PLXNA2: variants seen among roughly 807,000 people sequenced by gnomAD.
PLXNA2 encodes the protein plexin A2, also known as plexin-A2.
A neutral mutation model predicts 193.5 loss-of-function variants in PLXNA2; 91 were observed. The observed-to-expected ratio is 0.47, with a 90% CI of 0.40 to 0.56. PLXNA2 has a LOEUF of 0.56. Ranked by LOEUF, PLXNA2 falls within the 20% of genes least tolerant of loss-of-function variation. The probability of loss-of-function intolerance (pLI) is 0.00; values close to 1 mark genes in which losing one functional copy is unlikely to be tolerated. For missense variants in PLXNA2, 1,995 were observed against 2,503.2 expected (o/e 0.80, Z 4.33); for synonymous variants, 997 against 1,027.3 (o/e 0.97, Z 0.56).
At chr1:208,090,631 G>C (rs56160741) in intron 9 of PLXNA2, among the ~76,000 whole-genome samples, 2,366 of 152,268 alleles carry the variant, frequency 0.016, 23 homozygotes, top group Middle Eastern at 0.037. Context: ...TTCAGCTGCA[G>C]GTCGCTTTCA....
At chr1:208,160,371 A>G (rs1249877) in intron 3 of PLXNA2, among the ~76,000 whole-genome samples, 146,860 of 152,116 alleles carry the variant, frequency 0.97, 71,117 homozygotes, top group East Asian at 1. Flanking sequence ...GCTTGTAAGG[A>G]GAGCCACGGG....
At position 208,082,418 on chromosome 1, in the gene PLXNA2, G is replaced by T; in HGVS notation, c.2389C>A (p.Leu797Met). Residue 797 changes from leucine to methionine, a missense_variant, in exon 11 of 32, where the codon CTG becomes ATG. By Grantham distance (15) the Leu-to-Met change is conservative. Transcript: ENST00000367033. The surrounding 1 kb of genome is among the most constrained non-coding windows in gnomAD (Gnocchi z 4.2). ...GNFIIDNPQD[L>M]KVHLYKCAAQ... ...CCCGGAAGTAGCCGCTTACCTTTCA[G>T]GTCCTGAGGGTTGTCAATGATGAAA... The T allele has an allele frequency of 1.2e-6, 2 of 1,613,682 alleles. No homozygotes were observed. Among genetic ancestry groups the T allele is most frequent in the South Asian group, 1.1e-5 (1 of 91,066 alleles).
chr1:208,155,931 A>G lies in PLXNA2; in HGVS notation c.1372-13468T>C, dbSNP rs536772904. On this transcript the variant is annotated intron_variant, in intron 3 of 31. Coordinates refer to ENST00000367033, the MANE Select transcript of PLXNA2 (RefSeq NM_025179.4). ...GATCCCTCCAGGAAATGTGGGAGTT[A>G]ATGCCCTTCATTCTGCCTGACACCA... 7.2e-5 allele frequency among the ~76,000 whole-genome samples: 11 copies of G among 152,304 alleles called. No homozygotes were observed. In the South Asian group the frequency reaches 2.3e-3, roughly 32 times the overall value.
Position 208,142,401 on chromosome 1 carries a change from G to A in PLXNA2, c.1434C>T (p.Asp478=), listed in dbSNP as rs151039993. The part of the protein sequence containing the change: ...VQYEMVSVLK[D]GSPILRDMAF... Reference sequence around the variant, plus strand: ...CCATGTCCCGGAGGATGGGGCTTCCGTCCTTGAGCACAGAGACCATCTCGT... The same window carrying A: ...CCATGTCCCGGAGGATGGGGCTTCCATCCTTGAGCACAGAGACCATCTCGT... Residue 478 remains aspartate (D), a synonymous_variant, in exon 4 of 32, where the codon GAC becomes GAT. Coordinates refer to ENST00000367033, the MANE Select transcript of PLXNA2 (RefSeq NM_025179.4). 42 of 1,613,808 alleles carry A rather than the reference G, an allele frequency of 2.6e-5. No homozygotes were observed. In the African/African-American group the frequency reaches 3.3e-4, roughly 13 times the overall value.
At chr1:208,094,132 C>G (rs1666799995) in intron 8 of PLXNA2, among the ~76,000 whole-genome samples, 1 of 152,224 alleles carries the variant, frequency 6.6e-6, no homozygotes, top group East Asian at 1.9e-4. Context: ...CTCATGTACT[C>G]TCAGATAGAC....
At chr1:208,137,493 G>A (rs528066443) in intron 4 of PLXNA2, among the ~76,000 whole-genome samples, 10 of 152,124 alleles carry the variant, frequency 6.6e-5, no homozygotes, top group East Asian at 1.9e-4. Flanking sequence ...CCCTTGACTC[G>A]CTGTCTGACT....
At chr1:208,155,404 T>A (rs486753) in intron 3 of PLXNA2, among the ~76,000 whole-genome samples, 1 of 151,952 alleles carries the variant, frequency 6.6e-6, no homozygotes, top group Non-Finnish European at 1.5e-5. Context: ...CCTTAAAAAG[T>A]GCTGAAAGGA....
intron 12 of PLXNA2, among the ~76,000 whole-genome samples, chr1:208,063,340 T>C (rs1342257468): frequency 3.3e-5 from 5 of 152,182 alleles, no homozygotes; most frequent in African/African-American, 1.2e-4. Context: ...CCTTCCAACA[T>C]TCAAGGATCA....
At position 208,056,621 on chromosome 1, in the gene PLXNA2, G is replaced by A. The variant is rs1558168659; in HGVS notation, c.2739-2083C>T. ...TTGGGGCTCATGTTTCAAAAGAAAA[G>A]CAGTATATTCAAGCACCTAGGAGAA... On this transcript the variant is annotated intron_variant, in intron 13 of 31. Coordinates refer to ENST00000367033, the MANE Select transcript of PLXNA2 (RefSeq NM_025179.4). Among the ~76,000 whole-genome samples the A allele has an allele frequency of 3.3e-5, 5 of 152,236 alleles. No homozygotes were observed. The South Asian group carries it at 1.0e-3, about 32-fold the overall frequency.
chr1:208,074,042 A>T (rs993335886), intron 12 of PLXNA2, among the ~76,000 whole-genome samples: 1 of 152,204 alleles, frequency 6.6e-6, no homozygotes, highest in East Asian at 1.9e-4. Context: ...AGCCCTAGGA[A>T]ACTGATACAC....
At chr1:208,110,673 C>T (rs750558565) in intron 4 of PLXNA2, among the ~76,000 whole-genome samples, 6 of 152,140 alleles carry the variant, frequency 3.9e-5, no homozygotes, top group East Asian at 1.9e-4. Flanking sequence ...GCTTAAGTAA[C>T]GCAGGTAAGG....
At chr1:208,050,828 T>TA (rs78166274) in intron 17 of PLXNA2, among the ~76,000 whole-genome samples, 181 bp downstream of exon 17, 78 of 145,948 alleles carry the variant, frequency 5.3e-4, no homozygotes, top group Admixed American at 8.9e-4. Flanking sequence ...GGCCATGTCT[T>TA]AAAAAAAAAA....
intron 1 of PLXNA2, among the ~76,000 whole-genome samples, chr1:208,224,506 A>G (rs1431411261): frequency 1.3e-5 from 2 of 151,220 alleles, no homozygotes; most frequent in African/African-American, 4.9e-5. Flanking sequence ...TATTTTATGC[A>G]CGCGATTTAA....
intron 4 of PLXNA2, among the ~76,000 whole-genome samples, chr1:208,118,702 GA>G (rs1480620928): frequency 7.2e-5 from 11 of 152,178 alleles, no homozygotes; most frequent in Admixed American, 7.2e-4. Flanking sequence ...GGGGGTCACA[GA>G]GAGGGGAACC....
At chr1:208,109,489 A>C (rs998809670) in intron 4 of PLXNA2, among the ~76,000 whole-genome samples, 2 of 152,230 alleles carry the variant, frequency 1.3e-5, no homozygotes, top group African/African-American at 4.8e-5. Flanking sequence ...TAACGCAGTC[A>C]CAGCAATCCT....
At chr1:208,050,044 C>T (rs1028130480) in intron 17 of PLXNA2, among the ~76,000 whole-genome samples, 3 of 152,160 alleles carry the variant, frequency 2.0e-5, no homozygotes, top group Non-Finnish European at 2.9e-5. Flanking sequence ...AAAAAATTGA[C>T]AACATATCAG....
chr1:208,204,583 C>A (rs1320136605), intron 3 of PLXNA2, among the ~76,000 whole-genome samples: 1 of 152,200 alleles, frequency 6.6e-6, no homozygotes, highest in African/African-American at 2.4e-5. Flanking sequence ...CGCAACCAAC[C>A]ACATCAACAG....
chr1:208,191,482 AG>A (rs997947662), intron 3 of PLXNA2, among the ~76,000 whole-genome samples: 1 of 152,258 alleles, frequency 6.6e-6, no homozygotes, highest in Non-Finnish European at 1.5e-5. Flanking sequence ...CAATTATAAT[AG>A]TACATACAAC....
chr1:208,027,826 T>G (rs1664385771), intron 31 of PLXNA2, among the ~76,000 whole-genome samples, 183 bp downstream of exon 31: 1 of 152,208 alleles, frequency 6.6e-6, no homozygotes, highest in Non-Finnish European at 1.5e-5. Context: ...TGAAAGACAA[T>G]GAAGTGTATA....
Sources: allele counts gnomAD v4.1 joint callset (sites outside exome capture counted in the v4.1 genomes callset), GRCh38; gene constraint gnomAD v4.1.1; non-coding constraint Gnocchi (gnomAD v3.1); transcripts MANE v1.5; gene names NCBI Gene and HGNC (gene_info 2026-07-23, HGNC 2026-07-21).